Variants in SPOCK3 observed in about 807,000 individuals in gnomAD.
SPOCK3 encodes the protein SPARC (osteonectin), cwcv and kazal like domains proteoglycan 3.
SPOCK3 carries 30 observed loss-of-function variants against 56.6 expected under a neutral mutation model. The observed-to-expected ratio is 0.53, with a 90% CI of 0.40 to 0.72. The LOEUF (loss-of-function observed/expected upper bound fraction) is 0.72. SPOCK3 is among the 30% of genes least tolerant of loss of function. The pLI, the probability that SPOCK3 is intolerant of heterozygous loss-of-function variation, is 0.00. For missense variants in SPOCK3, 527 were observed against 530.0 expected (o/e 0.99, Z 0.06); for synonymous variants, 196 against 183.3 (o/e 1.07, Z -0.56).
intron 7 of SPOCK3, among the ~76,000 whole-genome samples, chr4:166,769,563 G>T (rs1738640784): frequency 6.6e-6 from 1 of 152,114 alleles, no homozygotes; most frequent in Non-Finnish European, 1.5e-5. Context: ...GTCTCAGAGG[G>T]GTACCTGGCC....
intron 8 of SPOCK3, among the ~76,000 whole-genome samples, chr4:166,744,547 T>G (rs1176883768): frequency 7.1e-6 from 1 of 140,602 alleles, no homozygotes. Flanking sequence ...GCAGAAAAGC[T>G]GAAAATTCTA....
intron 2 of SPOCK3, among the ~76,000 whole-genome samples, chr4:167,225,455 A>G (rs569067615): frequency 3.9e-5 from 6 of 152,234 alleles, no homozygotes; most frequent in Admixed American, 2.0e-4. Context: ...ACTGCAAGGG[A>G]AAAATAACTT....
intron 7 of SPOCK3, among the ~76,000 whole-genome samples, chr4:166,774,879 T>G (rs1312369271): frequency 1.3e-5 from 2 of 152,198 alleles, no homozygotes; most frequent in African/African-American, 4.8e-5. Context: ...CTTTGCTGTC[T>G]TTACTCTTTT....
chr4:166,813,348 A>G (rs973767468), intron 6 of SPOCK3, among the ~76,000 whole-genome samples: 1 of 152,002 alleles, frequency 6.6e-6, no homozygotes, highest in African/African-American at 2.4e-5. Context: ...CTGAAGTTAG[A>G]AATGAAAACT....
At chr4:166,742,763 T>C (rs1318147588) in intron 8 of SPOCK3, among the ~76,000 whole-genome samples, 1 of 152,158 alleles carries the variant, frequency 6.6e-6, no homozygotes, top group Non-Finnish European at 1.5e-5. Flanking sequence ...AAATAGTCTT[T>C]GCCTATTTTC....
intron 2 of SPOCK3, among the ~76,000 whole-genome samples, chr4:167,162,621 C>G (rs1477547082): frequency 6.6e-6 from 1 of 152,040 alleles, no homozygotes; most frequent in African/African-American, 2.4e-5. Flanking sequence ...TATTACCTAT[C>G]ACCTTTTAAT....
chr4:167,041,051 G>T (rs529553503), intron 3 of SPOCK3, among the ~76,000 whole-genome samples: 2 of 152,296 alleles, frequency 1.3e-5, no homozygotes, highest in Non-Finnish European at 2.9e-5. Context: ...CCTTGCTCAT[G>T]ATTCAGAGAC....
At chr4:167,143,657 A>G (rs1192742791) in intron 2 of SPOCK3, among the ~76,000 whole-genome samples, 4 of 151,936 alleles carry the variant, frequency 2.6e-5, no homozygotes, top group Admixed American at 1.3e-4. Context: ...GGGCTGGTTT[A>G]TAATAGCATC....
chr4:166,999,224 A>C (rs139671132), intron 4 of SPOCK3, among the ~76,000 whole-genome samples: 1 of 152,100 alleles, frequency 6.6e-6, no homozygotes, highest in Non-Finnish European at 1.5e-5. Context: ...AAGTGAACAC[A>C]TTTTCAAACC....
rs116438971 is a variant in SPOCK3, at chr4:167,007,669, A to G, written c.236-7206T>C. Among the ~76,000 whole-genome samples the G allele has an allele frequency of 5.1e-3, 775 of 152,262 alleles. 7 individuals carry two copies. Among genetic ancestry groups the G allele is most frequent in the African/African-American group, 0.016 (663 of 41,544 alleles). On this transcript the variant is annotated intron_variant, in intron 3 of 10. Coordinates refer to ENST00000357545, the MANE Select transcript of SPOCK3 (RefSeq NM_001040159.2). ...AAAATGCCCTTTATTATAGCTGTAG[A>G]AAATCCTTTTCTTCTTCTGTGGCAA...
intron 6 of SPOCK3, among the ~76,000 whole-genome samples, chr4:166,839,962 G>T (rs1000519561): frequency 6.6e-6 from 1 of 152,190 alleles, no homozygotes; most frequent in African/African-American, 2.4e-5. Flanking sequence ...GTATTACTGT[G>T]CTTCAATAAA....
At chr4:167,029,940 T>C (rs935307319) in intron 3 of SPOCK3, among the ~76,000 whole-genome samples, 1 of 152,052 alleles carries the variant, frequency 6.6e-6, no homozygotes, top group South Asian at 2.1e-4. Flanking sequence ...ATTCTTTGTA[T>C]TGGGCTTTAT....
chr4:166,916,556 T>C (rs6846723), intron 4 of SPOCK3, among the ~76,000 whole-genome samples: 60,018 of 152,032 alleles, frequency 0.39, 12,631 homozygotes, highest in Non-Finnish European at 0.48. Flanking sequence ...ATCATGTTCA[T>C]TTTAACAAAA....
chr4:167,008,138 T>C (rs1172492605), intron 3 of SPOCK3, among the ~76,000 whole-genome samples: 1 of 152,034 alleles, frequency 6.6e-6, no homozygotes, highest in African/African-American at 2.4e-5. Flanking sequence ...TAGCAGTCCA[T>C]TAGTATTATA....
At chr4:167,206,366 C>T (rs28454553) in intron 2 of SPOCK3, among the ~76,000 whole-genome samples, 1,685 of 151,978 alleles carry the variant, frequency 0.011, 35 homozygotes, top group African/African-American at 0.039. Flanking sequence ...ATGTTGCATA[C>T]ACAAATTGAA....
intron 6 of SPOCK3, among the ~76,000 whole-genome samples, chr4:166,832,447 A>G (rs894888925): frequency 1.3e-5 from 2 of 152,144 alleles, no homozygotes; most frequent in East Asian, 1.9e-4. Context: ...AAAAGAGAAC[A>G]TGTATACTTT....
intron 6 of SPOCK3, among the ~76,000 whole-genome samples, chr4:166,849,485 G>A (rs944305546): frequency 1.3e-5 from 2 of 151,990 alleles, no homozygotes; most frequent in African/African-American, 2.4e-5. Context: ...GGCACAATTA[G>A]AGAAAAATCA....
At chr4:166,938,389 A>T (rs1360284926) in intron 4 of SPOCK3, among the ~76,000 whole-genome samples, 1 of 152,186 alleles carries the variant, frequency 6.6e-6, no homozygotes, top group Non-Finnish European at 1.5e-5. Flanking sequence ...CTAGAAAATG[A>T]ATATGAATAC....
At chr4:167,039,270 C>G (rs1305596669) in intron 3 of SPOCK3, among the ~76,000 whole-genome samples, 1 of 152,130 alleles carries the variant, frequency 6.6e-6, no homozygotes, top group Non-Finnish European at 1.5e-5. Context: ...ACCTAATAAC[C>G]TCATCTTAAC....
Sources: allele counts gnomAD v4.1 joint callset (sites outside exome capture counted in the v4.1 genomes callset), GRCh38; gene constraint gnomAD v4.1.1; transcripts MANE v1.5; gene names NCBI Gene and HGNC (gene_info 2026-07-23, HGNC 2026-07-21).